The following SOX5 variants were observed in gnomAD, a reference collection of about 807,000 sequenced individuals.
SOX5 encodes transcription factor SOX-5.
SOX5 carries 9 observed loss-of-function variants against 92.0 expected under a neutral mutation model. The ratio of observed to expected loss-of-function variants is 0.10; its 90% CI spans 0.06 to 0.17. SOX5 has a LOEUF of 0.17. Ranked by LOEUF, SOX5 falls within the 10% of genes least tolerant of loss-of-function variation. The pLI is 1.00. For missense variants in SOX5, 642 were observed against 944.5 expected, an observed-to-expected ratio of 0.68 and a Z score of 4.20; for synonymous variants, 344 against 336.3, an observed-to-expected ratio of 1.02 and a Z score of -0.25.
chr12:23,840,785 C>A (rs1426700322), intron 3 of SOX5, among the ~76,000 whole-genome samples: 1 of 151,938 alleles, frequency 6.6e-6, no homozygotes, highest in Non-Finnish European at 1.5e-5. Context: ...ATATGCAAAA[C>A]AAAAACAAAT....
intron 8 of SOX5, among the ~76,000 whole-genome samples, chr12:23,617,264 G>C (rs1034331256): frequency 6.6e-6 from 1 of 152,106 alleles, no homozygotes; most frequent in African/African-American, 2.4e-5. Flanking sequence ...GGTGAAATAG[G>C]GGGCTTGGAG....
intron 3 of SOX5, among the ~76,000 whole-genome samples, chr12:23,825,968 G>T (rs1467611122): frequency 2.0e-5 from 3 of 152,042 alleles, no homozygotes; most frequent in African/African-American, 7.2e-5. Context: ...TAAGTGAAAA[G>T]GCTGTGTCAA....
intron 4 of SOX5, among the ~76,000 whole-genome samples, chr12:23,957,086 T>C (rs953928741): frequency 4.6e-5 from 7 of 152,218 alleles, no homozygotes; most frequent in African/African-American, 1.7e-4. Context: ...AAATAAAATT[T>C]CTTGCCTTCC....
At chr12:24,308,357 A>C (rs2140754646) in intron 2 of SOX5, among the ~76,000 whole-genome samples, 1 of 152,230 alleles carries the variant, frequency 6.6e-6, no homozygotes, top group East Asian at 1.9e-4. Flanking sequence ...CATGCACTTG[A>C]CCTCTCAAGT....
At chr12:23,648,601 TGTGAACACAGA>T (rs1312019471) in intron 7 of SOX5, among the ~76,000 whole-genome samples, 1 of 152,100 alleles carries the variant, frequency 6.6e-6, no homozygotes, top group Non-Finnish European at 1.5e-5. Context: ...TATGACCAGG[TGTGAACACAGA>T]GAGAAGGTGG....
intron 1 of SOX5, among the ~76,000 whole-genome samples, chr12:24,495,116 A>G (rs1947486402): frequency 1.3e-5 from 2 of 152,240 alleles, no homozygotes; most frequent in South Asian, 4.1e-4. Context: ...AATTAAGGAC[A>G]TCTAGTTATA....
intron 4 of SOX5, among the ~76,000 whole-genome samples, chr12:23,988,715 T>A (rs912227597): frequency 6.6e-6 from 1 of 152,142 alleles, no homozygotes; most frequent in South Asian, 2.1e-4. Context: ...TTAGTACTCA[T>A]GAGAGAGTAG....
At chr12:24,258,756 CA>C (rs1941635234) in intron 3 of SOX5, among the ~76,000 whole-genome samples, 1 of 152,078 alleles carries the variant, frequency 6.6e-6, no homozygotes, top group African/African-American at 2.4e-5. Flanking sequence ...TGCTTTTTAG[CA>C]ATAATAACAT....
At chr12:23,596,421 G>C (rs923535574) in intron 9 of SOX5, among the ~76,000 whole-genome samples, 51 of 152,288 alleles carry the variant, frequency 3.3e-4, no homozygotes, top group African/African-American at 1.2e-3. Flanking sequence ...CTCTGTAAGA[G>C]AGACCGCTAA....
chr12:24,068,704 G>GTGTGTGTATATATATATA (rs1444359956), intron 4 of SOX5, among the ~76,000 whole-genome samples: 1 of 74,322 alleles, frequency 1.3e-5, no homozygotes, highest in African/African-American at 5.7e-5. Flanking sequence ...GTGTGTGTGT[G>GTGTGTGTATATATATATA]TATATATATA....
chr12:23,926,191 T>C (rs1223738741), intron 1 of SOX5, among the ~76,000 whole-genome samples: 4 of 152,132 alleles, frequency 2.6e-5, no homozygotes, highest in Non-Finnish European at 5.9e-5. Context: ...TCTCTTTAAA[T>C]AGGTATTTTC....
chr12:23,862,879 G>C lies in SOX5; in HGVS notation c.271-16686C>G, dbSNP rs913289887. Among the ~76,000 whole-genome samples, 7 of 152,180 alleles carry C rather than the reference G, an allele frequency of 4.6e-5. No homozygotes were observed. In the South Asian group the frequency reaches 6.2e-4, roughly 14 times the overall value. Reference sequence around the variant, plus strand: ...TCATTCATTCAAATCACTCACTGTAGGCCAAATTCTTATCCAATTCCACAG... The same window carrying C: ...TCATTCATTCAAATCACTCACTGTACGCCAAATTCTTATCCAATTCCACAG... On this transcript the variant is annotated intron_variant, in intron 2 of 14. Coordinates refer to ENST00000451604, the MANE Select transcript of SOX5 (RefSeq NM_006940.6).
intron 3 of SOX5, among the ~76,000 whole-genome samples, chr12:24,242,725 G>A: frequency 6.6e-6 from 1 of 151,150 alleles, no homozygotes; most frequent in East Asian, 1.9e-4. Context: ...GGCGGTGGGG[G>A]TGGGTGCAGG....
At chr12:24,545,012 T>A (rs927425857) in intron 1 of SOX5, among the ~76,000 whole-genome samples, 2 of 152,246 alleles carry the variant, frequency 1.3e-5, no homozygotes, top group South Asian at 4.1e-4. Flanking sequence ...ATATATTTTT[T>A]ATTGACGGTT....
chr12:23,841,431 A>C (rs1335372983), intron 3 of SOX5, among the ~76,000 whole-genome samples: 1 of 152,108 alleles, frequency 6.6e-6, no homozygotes, highest in Non-Finnish European at 1.5e-5. Context: ...ATCTTCTCAT[A>C]AATTCCAGCA....
At chr12:24,236,693 T>G (rs1260180430) in intron 3 of SOX5, among the ~76,000 whole-genome samples, 1 of 152,224 alleles carries the variant, frequency 6.6e-6, no homozygotes, top group East Asian at 1.9e-4. Flanking sequence ...GCAAAGCACT[T>G]GGTTGGCAAT....
At chr12:24,316,209 T>C (rs1949684031) in intron 2 of SOX5, among the ~76,000 whole-genome samples, 1 of 152,134 alleles carries the variant, frequency 6.6e-6, no homozygotes, top group Admixed American at 6.5e-5. Context: ...AATCTTTAGC[T>C]ATATCTTTAG....
intron 1 of SOX5, among the ~76,000 whole-genome samples, chr12:24,440,017 A>G (rs1158825899): frequency 1.3e-5 from 2 of 152,228 alleles, no homozygotes; most frequent in Non-Finnish European, 2.9e-5. Flanking sequence ...ATAAGCAAAC[A>G]TCTTGGTTGG....
chr12:23,792,133 C>T (rs2095484941), intron 3 of SOX5, among the ~76,000 whole-genome samples: 1 of 151,666 alleles, frequency 6.6e-6, no homozygotes, highest in African/African-American at 2.4e-5. Context: ...GTGTACACAA[C>T]TATATAGAAA....
Sources: allele counts gnomAD v4.1 joint callset (sites outside exome capture counted in the v4.1 genomes callset), GRCh38; gene constraint gnomAD v4.1.1; transcripts MANE v1.5; gene names NCBI Gene and HGNC (gene_info 2026-07-23, HGNC 2026-07-21).